The following NOS2 variants were observed in gnomAD, a reference collection of about 807,000 sequenced individuals.
NOS2 encodes nitric oxide synthase 2.
In NOS2, 96 loss-of-function variants were observed where a neutral mutation model predicts 136.0. The observed-to-expected ratio is 0.71, with a 90% CI of 0.60 to 0.84. The LOEUF (loss-of-function observed/expected upper bound fraction) is 0.84, where lower values mean the gene tolerates loss of function less well. Ranked by LOEUF, NOS2 falls within the 40% of genes least tolerant of loss-of-function variation. The pLI is 0.00. For synonymous variants in NOS2, 539 were observed against 587.5 expected, an observed-to-expected ratio of 0.92 and a Z score of 1.20; for missense variants, 1,237 against 1,496.9, an observed-to-expected ratio of 0.83 and a Z score of 2.87.
chr17:27,775,991 A>G (rs1908646051), intron 11 of NOS2, among the ~76,000 whole-genome samples: 1 of 152,188 alleles, frequency 6.6e-6, no homozygotes, highest in Non-Finnish European at 1.5e-5. Flanking sequence ...AGCCAAGGAA[A>G]ATCAGTCATT....
Position 27,769,137 on chromosome 17 carries a change from C to G in NOS2, c.1874G>C (p.Gly625Ala). The G allele has an allele frequency of 6.2e-7, 1 of 1,610,406 alleles. No individual in the cohort carries two copies. The highest frequency in any genetic ancestry group is 8.5e-7 in the Non-Finnish European group (1 of 1,179,344). The change falls in exon 17 of 27, where the codon GGC (glycine) becomes GCC (alanine). Residue 625 changes from glycine (G) to alanine (A), a missense_variant. Physicochemically the swap from Gly to Ala is moderately conservative, Grantham distance 60. This residue lies in a region of NOS2 where 782 missense variants were observed against 909.9 expected (regional missense o/e 0.86). Coordinates refer to ENST00000313735, the MANE Select transcript of NOS2 (RefSeq NM_000625.4). ...CCGAGGGTACATGCTGGAGCCGAGG[C>G]CAAACACAGCGTACCTGCCCGAGGA... is the stretch of plus-strand genomic sequence containing the variant. ...LNNKFRYAVF[G>A]LGSSMYPRFC...
intron 13 of NOS2, 51 bp from the exon 14 acceptor site, chr17:27,772,503 G>A (rs760644394): frequency 1.9e-6 from 3 of 1,603,290 alleles, no homozygotes; most frequent in Admixed American, 1.7e-5. Flanking sequence ...CAGCCTTCCA[G>A]AAGAAAATGG....
chr17:27,788,187 C>G (rs1231432027), intron 4 of NOS2, among the ~76,000 whole-genome samples: 1 of 106,424 alleles, frequency 9.4e-6, no homozygotes, highest in Non-Finnish European at 1.9e-5. Flanking sequence ...CATAGGAAGG[C>G]ACACGCGTGC....
intron 18 of NOS2, among the ~76,000 whole-genome samples, 194 bp from the exon 19 acceptor site, chr17:27,766,782 C>T (rs921364733): frequency 2.0e-5 from 3 of 152,060 alleles, no homozygotes; most frequent in African/African-American, 7.2e-5. Flanking sequence ...CATGGTGGCT[C>T]ATGCCTGTAA....
chr17:27,767,614 G>C, intron 18 of NOS2, 91 bp downstream of exon 18: 1 of 1,471,516 alleles, frequency 6.8e-7, no homozygotes. Context: ...AGCTGTCTCT[G>C]TTCAGAAAGA....
In NOS2 at chr17:27,767,754, C is replaced by T. The variant is rs28944168; in HGVS notation, c.2118G>A (p.Pro706=). The T allele has an allele frequency of 6.8e-5, 109 of 1,613,432 alleles. No homozygotes were observed. In the East Asian group the frequency reaches 1.3e-3, roughly 19 times the overall value. ...KLYTSNVTWD[P]HHYRLVQDSQ... ...AGTCCTGCACGAGCCTGTAGTGGTG[C>T]GGGTCCCAGGTCACATTGGAGGTGT... Residue 706 remains proline (P), a synonymous_variant, in exon 18 of 27, where the codon CCG becomes CCA. Transcript: ENST00000313735.
chr17:27,797,637 G>C (rs1047129776), intron 2 of NOS2, among the ~76,000 whole-genome samples: 3 of 152,258 alleles, frequency 2.0e-5, no homozygotes, highest in Non-Finnish European at 4.4e-5. Flanking sequence ...CTCTGGGGCG[G>C]TGGGGTTGTG....
At chr17:27,791,780 AACAAAACAAAAC>A (rs1909198713) in intron 2 of NOS2, among the ~76,000 whole-genome samples, 1 of 124,264 alleles carries the variant, frequency 8.0e-6, no homozygotes, top group African/African-American at 2.8e-5. Flanking sequence ...AAAAAAACAA[AACAAAACAAAAC>A]AAAACAAAAC....
rs774982047 is a variant in NOS2 at position 27,765,558 on chromosome 17, C to T, written c.2405G>A (p.Arg802His). The part of the protein sequence containing the change: ...VDGPTPHQTV[R>H]LEALDESGSY... Reference sequence around the variant, plus strand: ...ACCACTCTCATCCAGGGCCTCCAGGCGCACTGTCTGGTGGGGTGTGGGGCC... The same window carrying T: ...ACCACTCTCATCCAGGGCCTCCAGGTGCACTGTCTGGTGGGGTGTGGGGCC... The change falls in exon 20 of 27, where the codon CGC (arginine) becomes CAC (histidine). Residue 802 changes from arginine (R) to histidine (H), a missense_variant. Coordinates refer to ENST00000313735, the MANE Select transcript of NOS2 (RefSeq NM_000625.4). 2.0e-5 allele frequency: 32 copies of T among 1,607,172 alleles called. No individual in the cohort carries two copies. The highest frequency in any genetic ancestry group is 1.8e-4 in the South Asian group (16 of 90,102).
chr17:27,794,383 C>T (rs1303975255), intron 2 of NOS2, among the ~76,000 whole-genome samples: 2 of 152,216 alleles, frequency 1.3e-5, no homozygotes, highest in African/African-American at 4.8e-5. Flanking sequence ...GCCCCTTGTC[C>T]TTGCTACCTG....
At chr17:27,792,313 G>A (rs1411921060) in intron 2 of NOS2, among the ~76,000 whole-genome samples, 1 of 152,172 alleles carries the variant, frequency 6.6e-6, no homozygotes, top group African/African-American at 2.4e-5. Context: ...CACCTCGAGG[G>A]AATGTTAGTA....
Position 27,757,000 on chromosome 17 carries a change from T to C in NOS2, c.*246A>G. The C allele has an allele frequency of 2.3e-6, 1 of 427,026 alleles. No individual in the cohort carries two copies. The highest frequency in any genetic ancestry group is 5.8e-5 in the South Asian group (1 of 17,156). 26.5% of individuals were successfully genotyped at this position (427,026 alleles called of 1,614,324 possible). On this transcript the variant is annotated 3_prime_UTR_variant, in exon 27 of 27. Transcript: ENST00000313735. ...TTCACCCACTTGCCAGGCCTGGCAT[T>C]TAAGATTTTGTCTCCAAGGGACCAG... is the stretch of plus-strand genomic sequence containing the variant.
intron 11 of NOS2, 32 bp from the exon 12 acceptor site, chr17:27,774,483 T>TA (rs769648401): frequency 2.8e-6 from 4 of 1,417,974 alleles, no homozygotes; most frequent in Non-Finnish European, 3.7e-6. Flanking sequence ...GGAGTGGAGA[T>TA]AAGGGTGGGG....
At chr17:27,787,534 A>AT (rs1909055068) in intron 5 of NOS2, 144 bp downstream of exon 5, 1 of 684,274 alleles carries the variant, frequency 1.5e-6, no homozygotes, top group South Asian at 2.5e-5. Flanking sequence ...GAAAACCGTG[A>AT]TTTTCGCTCT....
At chr17:27,763,876 C>G in intron 21 of NOS2, 105 bp downstream of exon 21, 10 of 889,740 alleles carry the variant, frequency 1.1e-5, no homozygotes, top group Non-Finnish European at 1.7e-5. Context: ...ACTTTGGGAA[C>G]CTGGTGTGGA....
rs763044715 is a variant in NOS2, at chr17:27,773,250, A to G, written c.1477-7T>C. 1.9e-5 allele frequency: 30 copies of G among 1,610,840 alleles called. No homozygotes were observed. The South Asian group carries it at 2.7e-4, about 15-fold the overall frequency. On this transcript the variant is annotated splice_region_variant and splice_polypyrimidine_tract_variant and intron_variant, in intron 12 of 26. Transcript: ENST00000313735. ...GGGTTTTCCAGGCCTCTACCTTCAG[A>G]AAAGAAAGGAGATGTGAGGGCAGGG...
chr17:27,798,660 C>T, intron 2 of NOS2, 40 bp downstream of exon 2: 1 of 1,298,050 alleles, frequency 7.7e-7, no homozygotes, highest in Non-Finnish European at 1.1e-6. Flanking sequence ...GCATGGGTGC[C>T]CAAGGAGACA....
intron 9 of NOS2, among the ~76,000 whole-genome samples, chr17:27,779,470 G>C (rs1908774022): frequency 6.6e-6 from 1 of 151,498 alleles, no homozygotes; most frequent in African/African-American, 2.4e-5. Flanking sequence ...TTGCACCTTT[G>C]GCCTCCCACT....
intron 5 of NOS2, among the ~76,000 whole-genome samples, chr17:27,787,471 T>G (rs1170802767): frequency 6.6e-6 from 1 of 152,210 alleles, no homozygotes; most frequent in Non-Finnish European, 1.5e-5. Context: ...GGTATTGCTA[T>G]GTACAACGTT....
Sources: gnomAD v4.1 joint callset for allele counts (sites outside exome capture counted in the v4.1 genomes callset) on GRCh38, gnomAD v4.1.1 for gene constraint, gnomAD v4.1.1 regional missense constraint, MANE v1.5 for transcripts, NCBI Gene and HGNC (gene_info 2026-07-23, HGNC 2026-07-21) for gene names.